NALCN: variants seen among roughly 807,000 people sequenced by gnomAD.
NALCN encodes sodium leak channel NALCN.
Under a neutral mutation model 225.3 loss-of-function variants are expected in NALCN, and 111 were observed. That is an observed-to-expected ratio of 0.49 (90% CI 0.42 to 0.58). The LOEUF is 0.58. Among genes scored for constraint, NALCN ranks in the 20% least tolerant of loss-of-function variants. The pLI is 0.00. For synonymous variants in NALCN, 764 were observed against 769.0 expected (o/e 0.99, Z 0.11); for missense variants, 1,378 against 2,202.4 (o/e 0.63, Z 7.49).
rs751042388 is a variant in NALCN, at chr13:101,089,956, G to A, written c.3280C>T (p.Arg1094Trp). 3.7e-6 allele frequency: 6 copies of A among 1,613,710 alleles called. No homozygotes were observed. Among genetic ancestry groups the A allele is most frequent in the Non-Finnish European group, 5.1e-6 (6 of 1,179,852 alleles). ...FWVPRVWANP[R>W]NFNFDNVGNA... The stretch of plus-strand genomic sequence containing the variant: ...CCCACATTGTCGAAATTAAAGTTCC[G>A]AGGATTCGCCCTGCGATTCCAATAC... Residue 1094 changes from arginine to tryptophan, a missense_variant, in exon 29 of 44, where the codon CGG becomes TGG. Physicochemically the swap from Arg to Trp is moderately radical, Grantham distance 101 (BLOSUM62 -3). Transcript: ENST00000251127. The surrounding 1 kb of genome is among the most constrained non-coding windows in gnomAD (Gnocchi z 4.7).
chr13:101,072,337 A>C (rs671167), intron 37 of NALCN, among the ~76,000 whole-genome samples: 15,289 of 152,210 alleles, frequency 0.1, 1,741 homozygotes, highest in African/African-American at 0.28. Flanking sequence ...CTGCACATAG[A>C]AAATTCACAT....
intron 10 of NALCN, among the ~76,000 whole-genome samples, chr13:101,276,746 C>A (rs190464670): frequency 1.3e-5 from 2 of 152,174 alleles, no homozygotes; most frequent in African/African-American, 2.4e-5. Flanking sequence ...GTAAGAAGAT[C>A]TTTTATGTGC....
intron 7 of NALCN, among the ~76,000 whole-genome samples, chr13:101,310,083 T>TACCACCTTTGTCCAAGCCACTGCC (rs2044286419): frequency 6.6e-6 from 1 of 152,164 alleles, no homozygotes; most frequent in Non-Finnish European, 1.5e-5. Context: ...CCTCCACTGC[T>TACCACCTTTGTCCAAGCCACTGCC]ACCACCTTTG....
At chr13:101,109,704 CT>C (rs2035328737) in intron 20 of NALCN, among the ~76,000 whole-genome samples, 2 of 152,090 alleles carry the variant, frequency 1.3e-5, no homozygotes, top group Admixed American at 1.3e-4. Flanking sequence ...TTTCCCAAAC[CT>C]TTCATTGTAA....
At chr13:101,182,933 A>C (rs770145797) in intron 14 of NALCN, among the ~76,000 whole-genome samples, 1 of 152,184 alleles carries the variant, frequency 6.6e-6, no homozygotes, top group Non-Finnish European at 1.5e-5. Flanking sequence ...CATCATATTT[A>C]ATTTATGTTA....
chr13:101,136,329 G>A (rs1184127277), intron 17 of NALCN, among the ~76,000 whole-genome samples: 7 of 125,006 alleles, frequency 5.6e-5, no homozygotes, highest in Non-Finnish European at 1.1e-4. Context: ...TTATACTTTA[G>A]GTTCTAGGGT....
chr13:101,090,695 A>T (rs1167944365), intron 28 of NALCN, among the ~76,000 whole-genome samples: 2 of 152,114 alleles, frequency 1.3e-5, no homozygotes, highest in African/African-American at 2.4e-5. Context: ...CTGATTCCTG[A>T]AACTCATTGG....
chr13:101,055,788 TTAAG>T (rs747113350), intron 43 of NALCN, among the ~76,000 whole-genome samples: 7 of 152,072 alleles, frequency 4.6e-5, no homozygotes, highest in African/African-American at 9.7e-5. Context: ...TCGGGAACTA[TTAAG>T]TGTCACAGAA....
chr13:101,321,218 A>C lies in NALCN; in HGVS notation c.799+24048T>G. Among the ~76,000 whole-genome samples the C allele has an allele frequency of 1.3e-5, 2 of 151,132 alleles. 1 individual carries two copies. Among genetic ancestry groups the C allele is most frequent in the Middle Eastern group, 6.8e-3 (2 of 294 alleles). ...ATCCTATAACCTTAAAATAAATAAT[A>C]GACAAAAGTCAAATATACCAATATA... On this transcript the variant is annotated intron_variant, in intron 7 of 43. Transcript: ENST00000251127.
chr13:101,081,466 C>T, intron 34 of NALCN, 61 bp downstream of exon 34: 1 of 1,608,116 alleles, frequency 6.2e-7, no homozygotes, highest in African/African-American at 1.3e-5. Context: ...GGAAACAGGA[C>T]TGAGCAGAAC....
At chr13:101,376,026 A>G (rs150741875) in intron 6 of NALCN, among the ~76,000 whole-genome samples, 2 of 152,186 alleles carry the variant, frequency 1.3e-5, no homozygotes, top group African/African-American at 2.4e-5. Flanking sequence ...CATACATTCT[A>G]TCTTACCCAC....
chr13:101,196,917 C>T (rs1199784687), intron 13 of NALCN, among the ~76,000 whole-genome samples: 1 of 152,138 alleles, frequency 6.6e-6, no homozygotes, highest in Non-Finnish European at 1.5e-5. Context: ...TTATCCTGAG[C>T]TTCCTGTACT....
intron 26 of NALCN, among the ~76,000 whole-genome samples, chr13:101,101,283 T>TTA (rs1210578609): frequency 1.4e-4 from 19 of 139,522 alleles, no homozygotes; most frequent in Middle Eastern, 3.2e-3. Flanking sequence ...TTTTTTTTCT[T>TTA]TTTTTTTTTT....
intron 3 of NALCN, among the ~76,000 whole-genome samples, chr13:101,390,746 G>A (rs1159066067): frequency 6.6e-6 from 1 of 152,074 alleles, no homozygotes; most frequent in East Asian, 1.9e-4. Flanking sequence ...TAACCACGAG[G>A]CAAGGAAGCA....
Position 101,102,567 on chromosome 13 carries a change from C to G in NALCN, c.3057+605G>C, listed in dbSNP as rs997473718. Among the ~76,000 whole-genome samples the G allele has an allele frequency of 3.3e-5, 5 of 152,178 alleles. No homozygotes were observed. The East Asian group carries it at 9.6e-4, about 29-fold the overall frequency. ...GAGCCTCTTTCTTGTTGTTTTATCT[C>G]TGACCTTGTTTTCAGAAGACCCTAA... On this transcript the variant is annotated intron_variant, in intron 26 of 43. Transcript: ENST00000251127.
intron 7 of NALCN, among the ~76,000 whole-genome samples, chr13:101,344,605 C>G (rs768672383): frequency 2.0e-5 from 3 of 152,068 alleles, no homozygotes; most frequent in Non-Finnish European, 4.4e-5. Context: ...ATAATATGCG[C>G]AACTTGCATG....
intron 7 of NALCN, among the ~76,000 whole-genome samples, chr13:101,304,758 C>CTTT (rs769247590): frequency 1.3e-4 from 16 of 122,806 alleles, no homozygotes; most frequent in South Asian, 5.4e-4. Flanking sequence ...TTTTTCTTTT[C>CTTT]TTTTTTTTTT....
rs35641200 is a variant in NALCN, at chr13:101,405,964, T to C, written c.-39-6799A>G. Among the ~76,000 whole-genome samples, 588 of 151,834 alleles carry C rather than the reference T, an allele frequency of 3.9e-3. 1 individual carries two copies. Among genetic ancestry groups the C allele is most frequent in the Middle Eastern group, 6.8e-3 (2 of 294 alleles). On this transcript the variant is annotated intron_variant, in intron 1 of 43. Transcript: ENST00000251127. ...CGTTTACTGTCATGCAAAAACAGAG[T>C]CCTTCTAACAAAAATGTTGGTTGAG...
At chr13:101,216,758 G>A (rs2040750323) in intron 13 of NALCN, among the ~76,000 whole-genome samples, 1 of 152,062 alleles carries the variant, frequency 6.6e-6, no homozygotes, top group African/African-American at 2.4e-5. Context: ...TGCACGACTA[G>A]TCATTTTGGT....
Sources: allele counts gnomAD v4.1 joint callset (sites outside exome capture counted in the v4.1 genomes callset), GRCh38; gene constraint gnomAD v4.1.1; non-coding constraint Gnocchi (gnomAD v3.1); transcripts MANE v1.5; gene names NCBI Gene and HGNC (gene_info 2026-07-23, HGNC 2026-07-21).